Variants in OR2AT4 observed in about 807,000 individuals in gnomAD.
The protein encoded by OR2AT4 is olfactory receptor family 2 subfamily AT member 4.
A neutral mutation model predicts 10.3 loss-of-function variants in OR2AT4; 6 were observed. That is an observed-to-expected ratio of 0.58 (90% CI 0.32 to 1.15). OR2AT4 has a LOEUF of 1.15. OR2AT4 is among the 50% of genes most tolerant of loss of function. The probability of loss-of-function intolerance (pLI) is 0.05; values close to 1 mark genes in which losing one functional copy is unlikely to be tolerated. For missense variants in OR2AT4, 354 were observed against 393.8 expected, an observed-to-expected ratio of 0.90 and a Z score of 0.85; for synonymous variants, 145 against 159.1, an observed-to-expected ratio of 0.91 and a Z score of 0.67.
intron 1 of OR2AT4, among the ~76,000 whole-genome samples, chr11:75,091,993 A>T (rs1479104772): frequency 6.6e-6 from 1 of 152,242 alleles, no homozygotes; most frequent in Non-Finnish European, 1.5e-5. Context: ...TTTTCAATAC[A>T]TTTATCAAAG....
rs1949310598 is a variant in OR2AT4 at position 75,089,444 on chromosome 11, G to A, written c.270C>T (p.Phe90=). Residue 90 remains phenylalanine, a synonymous_variant, in exon 2 of 2, where the codon TTC becomes TTT. Coordinates refer to ENST00000641504, the Ensembl canonical transcript of OR2AT4. ...AGCTGAGGAAGCGGTCCCCAAGCAA[G>A]AATAAGGACAGCATCTTGGGGACAG... The A allele has an allele frequency of 2.5e-6, 4 of 1,614,046 alleles. No homozygotes were observed. In the African/African-American group the frequency reaches 5.3e-5, roughly 22 times the overall value.
exon 2 of OR2AT4, chr11:75,082,998 A>C (rs935404479): frequency 7.1e-6 from 1 of 141,562 alleles, no homozygotes; most frequent in Non-Finnish European, 1.5e-5. Context: ...AAGATTGCTT[A>C]GGCCCAGGAG....
intron 1 of OR2AT4, among the ~76,000 whole-genome samples, chr11:75,095,769 C>A (rs1949346366): frequency 6.6e-6 from 1 of 151,518 alleles, no homozygotes; most frequent in East Asian, 1.9e-4. Flanking sequence ...CCTCTGCCTC[C>A]CGGGTTCAAG....
exon 2 of OR2AT4, chr11:75,088,494 T>C: frequency 3.3e-6 from 1 of 302,422 alleles, no homozygotes; most frequent in Non-Finnish European, 6.1e-6. Flanking sequence ...ACATTCTTTG[T>C]ATAATATGAA....
At chr11:75,083,322 G>C (rs1282475113) in exon 2 of OR2AT4, 1 of 152,064 alleles carries the variant, frequency 6.6e-6, no homozygotes, top group Non-Finnish European at 1.5e-5. Context: ...AATCATCAGA[G>C]AAGTGCAAAT....
In OR2AT4 at chr11:75,092,493, T is replaced by C. The variant is rs115926081; in HGVS notation, c.-651-2129A>G. On this transcript the variant is annotated intron_variant, in intron 1 of 1. Coordinates refer to ENST00000641504, the Ensembl canonical transcript of OR2AT4. ...ATAAATATAAATCTATGTAGAGATA[T>C]AGATCAGCTAGTGATGCAGCTAAAG... Among the ~76,000 whole-genome samples the C allele has an allele frequency of 3.9e-3, 594 of 152,330 alleles. 3 individuals carry two copies. Among genetic ancestry groups the C allele is most frequent in the African/African-American group, 0.014 (566 of 41,564 alleles).
chr11:75,089,828 C>G (rs1219691508), exon 2 of OR2AT4: 1 of 1,070,564 alleles, frequency 9.3e-7, no homozygotes, highest in African/African-American at 1.6e-5. Context: ...AATGTTTACT[C>G]TGTAGGTAAT....
At chr11:75,095,626 T>C (rs948785158) in intron 1 of OR2AT4, among the ~76,000 whole-genome samples, 3 of 151,574 alleles carry the variant, frequency 2.0e-5, no homozygotes, top group Non-Finnish European at 4.4e-5. Flanking sequence ...TGATAAATCA[T>C]CAAATAGGAA....
chr11:75,088,701 T>C, exon 2 of OR2AT4: 1 of 1,507,638 alleles, frequency 6.6e-7, no homozygotes. Context: ...TTCTCTGTGC[T>C]AAGCACTGTT....
chr11:75,087,292 C>T (rs1467833417), exon 2 of OR2AT4: 1 of 152,152 alleles, frequency 6.6e-6, no homozygotes, highest in African/African-American at 2.4e-5. Context: ...TGGGAACTCT[C>T]ATACTATCTT....
At chr11:75,094,995 A>G (rs1296757114) in intron 1 of OR2AT4, among the ~76,000 whole-genome samples, 1 of 152,166 alleles carries the variant, frequency 6.6e-6, no homozygotes, top group Non-Finnish European at 1.5e-5. Context: ...AGAGAAGTCA[A>G]TTATGGATTG....
chr11:75,086,056 T>A (rs866449079), exon 2 of OR2AT4: 7 of 152,152 alleles, frequency 4.6e-5, no homozygotes, highest in African/African-American at 1.7e-4. Flanking sequence ...AACTGATATT[T>A]GACAAAAGTG....
chr11:75,093,342 C>T (rs1227307190), intron 1 of OR2AT4, among the ~76,000 whole-genome samples: 1 of 152,200 alleles, frequency 6.6e-6, no homozygotes, highest in African/African-American at 2.4e-5. Context: ...GTAGTCTTCC[C>T]TAGCCCCAGA....
exon 2 of OR2AT4, chr11:75,088,810 C>T (rs780307309): frequency 2.5e-6 from 4 of 1,599,842 alleles, no homozygotes; most frequent in South Asian, 1.1e-5. Flanking sequence ...GCTGCCTTTA[C>T]ATCCCTGTTT....
exon 2 of OR2AT4, chr11:75,089,805 G>T: frequency 7.8e-7 from 1 of 1,274,846 alleles, no homozygotes; most frequent in Non-Finnish European, 1.1e-6. Context: ...GGATTCTGGA[G>T]TGATAATGCT....
chr11:75,086,683 G>C (rs967409938), exon 2 of OR2AT4: 1 of 152,114 alleles, frequency 6.6e-6, no homozygotes, highest in Non-Finnish European at 1.5e-5. Flanking sequence ...CACCAGAGTG[G>C]TTACATTTGT....
chr11:75,094,753 C>T (rs917543669), intron 1 of OR2AT4, among the ~76,000 whole-genome samples: 1 of 152,084 alleles, frequency 6.6e-6, no homozygotes, highest in African/African-American at 2.4e-5. Flanking sequence ...GTCTTTTAAA[C>T]AAAACAAATA....
exon 2 of OR2AT4, chr11:75,086,435 C>A (rs1949291168): frequency 6.6e-6 from 1 of 152,074 alleles, no homozygotes; most frequent in Admixed American, 6.6e-5. Flanking sequence ...TATCAAATAT[C>A]TAATAATGAA....
chr11:75,081,803 T>C (rs967337448), exon 2 of OR2AT4: 1 of 152,050 alleles, frequency 6.6e-6, no homozygotes. Flanking sequence ...ACAAGAAACC[T>C]AGGAATACAC....
Sources: allele counts gnomAD v4.1 joint callset (sites outside exome capture counted in the v4.1 genomes callset), GRCh38; gene constraint gnomAD v4.1.1; transcripts MANE v1.5; gene names NCBI Gene and HGNC (gene_info 2026-07-23, HGNC 2026-07-21).